The following SLC2A9 variants were observed in gnomAD, a reference collection of about 807,000 sequenced individuals.
The protein encoded by SLC2A9 is solute carrier family 2, facilitated glucose transporter member 9.
Under a neutral mutation model 50.6 loss-of-function variants are expected in SLC2A9, and 39 were observed. The ratio of observed to expected loss-of-function variants is 0.77; its 90% CI spans 0.60 to 1.01. The LOEUF (loss-of-function observed/expected upper bound fraction) is 1.01, where lower values mean the gene tolerates loss of function less well. Ranked by LOEUF, SLC2A9 falls within the 50% of genes least tolerant of loss-of-function variation. The pLI is 0.00. For synonymous variants in SLC2A9, 324 were observed against 276.9 expected, an observed-to-expected ratio of 1.17 and a Z score of -1.69; for missense variants, 686 against 677.6, an observed-to-expected ratio of 1.01 and a Z score of -0.14.
downstream of SLC2A9, among the ~76,000 whole-genome samples, chr4:9,798,187 G>A (rs979299837): frequency 2.6e-5 from 4 of 152,190 alleles, no homozygotes; most frequent in African/African-American, 9.7e-5. Context: ...CTCCCTTTGG[G>A]TACCACAGTA....
intron 10 of SLC2A9, among the ~76,000 whole-genome samples, chr4:9,865,027 A>G (rs965385057): frequency 1.3e-5 from 2 of 152,214 alleles, no homozygotes; most frequent in Non-Finnish European, 2.9e-5. Flanking sequence ...CTCACAACCC[A>G]CAAGGTTTGA....
At chr4:9,988,630 T>C (rs1757150919) in intron 3 of SLC2A9, among the ~76,000 whole-genome samples, 2 of 152,250 alleles carry the variant, frequency 1.3e-5, no homozygotes, top group Non-Finnish European at 2.9e-5. Flanking sequence ...AGATCAATTC[T>C]GAAAGCAGAA....
Position 9,834,796 on chromosome 4 carries a change from A to T in SLC2A9, c.1419+85T>A, listed in dbSNP as rs566688996. ...TGAGTTTCCAGTTGAGAGGAGAGAGATCAACTTCTGCTCTATGAATCACCC... is the reference window on the plus strand; with the variant it reads ...TGAGTTTCCAGTTGAGAGGAGAGAGTTCAACTTCTGCTCTATGAATCACCC... On this transcript the variant is annotated intron_variant, in intron 11 of 11. Transcript: ENST00000264784. The T allele has an allele frequency of 1.6e-4, 257 of 1,591,088 alleles. 2 individuals are homozygous for T. The East Asian group carries it at 4.7e-3, about 29-fold the overall frequency.
chr4:9,872,450 A>T (rs4264828), intron 10 of SLC2A9, among the ~76,000 whole-genome samples: 1 of 152,242 alleles, frequency 6.6e-6, no homozygotes, highest in African/African-American at 2.4e-5. Flanking sequence ...GTGAATGTGC[A>T]GGAATCCCTC....
chr4:9,878,804 T>C (rs1226873146), intron 10 of SLC2A9, among the ~76,000 whole-genome samples: 3 of 152,152 alleles, frequency 2.0e-5, no homozygotes, highest in East Asian at 1.9e-4. Context: ...TCTTGTGGGA[T>C]TGAACCCTTT....
chr4:9,917,273 A>T (rs1257935403), intron 7 of SLC2A9, among the ~76,000 whole-genome samples: 1 of 151,958 alleles, frequency 6.6e-6, no homozygotes, highest in Non-Finnish European at 1.5e-5. Context: ...AGGAATTTAG[A>T]AATAAATAAA....
At chr4:10,020,316 T>C (rs1265498322) in intron 1 of SLC2A9, among the ~76,000 whole-genome samples, 1 of 152,072 alleles carries the variant, frequency 6.6e-6, no homozygotes, top group Non-Finnish European at 1.5e-5. Context: ...CCCTCAGCTG[T>C]AGGAGTCTGA....
At chr4:9,868,598 C>T (rs886625416) in intron 10 of SLC2A9, among the ~76,000 whole-genome samples, 3 of 152,170 alleles carry the variant, frequency 2.0e-5, no homozygotes, top group Non-Finnish European at 4.4e-5. Flanking sequence ...CCAGTTGTCA[C>T]CTGTTGAGGA....
At chr4:9,780,304 G>C (rs1162902662) in intron 3 of SLC2A9, among the ~76,000 whole-genome samples, 1 of 152,206 alleles carries the variant, frequency 6.6e-6, no homozygotes, top group African/African-American at 2.4e-5. Context: ...TCTGGACAGG[G>C]ATGTCCATGG....
At chr4:10,006,892 C>T (rs566399862) in intron 2 of SLC2A9, among the ~76,000 whole-genome samples, 2 of 152,088 alleles carry the variant, frequency 1.3e-5, no homozygotes, top group South Asian at 4.2e-4. Context: ...TGACCACCCC[C>T]CGAGAAAAAC....
chr4:9,955,309 G>A (rs530882395), intron 5 of SLC2A9, among the ~76,000 whole-genome samples: 2 of 107,244 alleles, frequency 1.9e-5, no homozygotes, highest in East Asian at 4.0e-4. Context: ...TGGCTAACAC[G>A]GTGAAACCCC....
intron 1 of SLC2A9, among the ~76,000 whole-genome samples, chr4:10,020,264 G>A (rs1763349653): frequency 6.6e-6 from 1 of 152,066 alleles, no homozygotes; most frequent in Non-Finnish European, 1.5e-5. Context: ...GAGCTTTGGG[G>A]CTTTGAGCCA....
At chr4:9,940,558 T>A (rs532962155) in intron 6 of SLC2A9, among the ~76,000 whole-genome samples, 28 of 152,286 alleles carry the variant, frequency 1.8e-4, no homozygotes, top group African/African-American at 6.5e-4. Flanking sequence ...AACACTATCA[T>A]TTCCATCATA....
At chr4:9,963,920 C>T (rs1315757571) in intron 5 of SLC2A9, among the ~76,000 whole-genome samples, 2 of 152,202 alleles carry the variant, frequency 1.3e-5, no homozygotes, top group Non-Finnish European at 2.9e-5. Flanking sequence ...ATTTAACAAA[C>T]ACCCAACACG....
At chr4:9,998,438 G>A (rs1489059048) in intron 2 of SLC2A9, among the ~76,000 whole-genome samples, 1 of 152,204 alleles carries the variant, frequency 6.6e-6, no homozygotes, top group African/African-American at 2.4e-5. Flanking sequence ...TCAAATGAGA[G>A]CTTGAAGCAG....
At chr4:9,932,653 C>T (rs1398459386) in intron 6 of SLC2A9, among the ~76,000 whole-genome samples, 1 of 152,178 alleles carries the variant, frequency 6.6e-6, no homozygotes, top group Non-Finnish European at 1.5e-5. Context: ...GCCTTCCAGG[C>T]GAAGGAGCCA....
intron 10 of SLC2A9, among the ~76,000 whole-genome samples, chr4:9,851,442 A>G (rs1577529125): frequency 6.6e-6 from 1 of 152,228 alleles, no homozygotes; most frequent in South Asian, 2.1e-4. Flanking sequence ...CAGTAGCCTC[A>G]AAGATTGTAG....
At chr4:9,937,581 G>A (rs938558) in intron 6 of SLC2A9, among the ~76,000 whole-genome samples, 92,506 of 152,030 alleles carry the variant, frequency 0.61, 29,435 homozygotes, top group Non-Finnish European at 0.72. Context: ...GAGGCAGTGC[G>A]TCCCCACCTC....
chr4:9,819,746 T>C (rs1359835930), intron 3 of SLC2A9, among the ~76,000 whole-genome samples: 1 of 152,238 alleles, frequency 6.6e-6, no homozygotes, highest in Non-Finnish European at 1.5e-5. Flanking sequence ...CCAGCCTGGC[T>C]AACATGGTGA....
Sources: gnomAD v4.1 joint callset for allele counts (sites outside exome capture counted in the v4.1 genomes callset) on GRCh38, gnomAD v4.1.1 for gene constraint, MANE v1.5 for transcripts, NCBI Gene and HGNC (gene_info 2026-07-23, HGNC 2026-07-21) for gene names.